The following SLC35F4 variants were observed in gnomAD, a reference collection of about 807,000 sequenced individuals.
The protein encoded by SLC35F4 is solute carrier family 35 member F4.
In SLC35F4, 24 loss-of-function variants were observed where a neutral mutation model predicts 44.2. The ratio of observed to expected loss-of-function variants is 0.54; its 90% confidence interval spans 0.39 to 0.76. SLC35F4 has a LOEUF of 0.76. Among genes scored for constraint, SLC35F4 ranks in the 30% least tolerant of loss-of-function variants. The pLI is 0.00. For missense variants in SLC35F4, 562 were observed against 586.1 expected (o/e 0.96, Z 0.42); for synonymous variants, 238 against 223.6 (o/e 1.06, Z -0.57).
At chr14:57,702,766 C>T (rs1025402750) in intron 1 of SLC35F4, among the ~76,000 whole-genome samples, 6 of 152,250 alleles carry the variant, frequency 3.9e-5, no homozygotes, top group African/African-American at 4.8e-5. Flanking sequence ...ATTTTCTGCA[C>T]GATGTTCCTT....
At chr14:57,803,576 C>T (rs1004929933) in intron 1 of SLC35F4, among the ~76,000 whole-genome samples, 1 of 141,726 alleles carries the variant, frequency 7.1e-6, no homozygotes, top group Non-Finnish European at 1.5e-5. Context: ...AGCCCAAAAG[C>T]TTCTTCTTTT....
intron 1 of SLC35F4, among the ~76,000 whole-genome samples, chr14:57,765,292 C>A (rs1013585859): frequency 7.2e-5 from 11 of 152,184 alleles, no homozygotes; most frequent in Admixed American, 7.2e-4. Context: ...GTGCTGTGAA[C>A]TGTCCTGAAA....
intron 1 of SLC35F4, among the ~76,000 whole-genome samples, chr14:57,652,523 T>C (rs1330392586): frequency 6.6e-6 from 1 of 152,186 alleles, no homozygotes. Flanking sequence ...CTGAGTCATG[T>C]TCAGAGATGC....
At chr14:57,578,613 G>A (rs9671923) in intron 4 of SLC35F4, 6 of 151,556 alleles carry the variant, frequency 4.0e-5, no homozygotes, top group Non-Finnish European at 7.4e-5. Context: ...TAAATTACAC[G>A]TTACCATTCT....
intron 1 of SLC35F4, among the ~76,000 whole-genome samples, chr14:57,818,521 C>G (rs532575887): frequency 6.6e-6 from 1 of 152,262 alleles, no homozygotes; most frequent in East Asian, 1.9e-4. Context: ...TGATGCTACA[C>G]AGTAGGAGCA....
chr14:57,585,276 GA>G (rs1555355019), intron 3 of SLC35F4, among the ~76,000 whole-genome samples: 1 of 152,054 alleles, frequency 6.6e-6, no homozygotes, highest in Non-Finnish European at 1.5e-5. Context: ...AAAGGCCTTC[GA>G]CAAAATTCAA....
At chr14:57,624,096 A>T (rs555720132) in intron 1 of SLC35F4, among the ~76,000 whole-genome samples, 1 of 152,318 alleles carries the variant, frequency 6.6e-6, no homozygotes, top group Non-Finnish European at 1.5e-5. Context: ...AAATAGACAC[A>T]ATAAAAAATG....
chr14:57,888,503 T>C (rs1278334994), intron 1 of SLC35F4, among the ~76,000 whole-genome samples: 1 of 152,228 alleles, frequency 6.6e-6, no homozygotes, highest in Non-Finnish European at 1.5e-5. Context: ...ACATTTGTTT[T>C]ATGAATCAAA....
chr14:57,914,091 T>C (rs1369033199), intron 1 of SLC35F4, among the ~76,000 whole-genome samples: 3 of 152,244 alleles, frequency 2.0e-5, no homozygotes, highest in Non-Finnish European at 4.4e-5. Context: ...GTCTGTTTTA[T>C]GCTGCTATGA....
chr14:57,645,864 G>A (rs2073482533), intron 1 of SLC35F4, among the ~76,000 whole-genome samples: 1 of 151,732 alleles, frequency 6.6e-6, no homozygotes, highest in Non-Finnish European at 1.5e-5. Flanking sequence ...GGCCTTTTCT[G>A]CATCTATTGA....
At chr14:57,959,924 G>A (rs958600654) in intron 1 of SLC35F4, among the ~76,000 whole-genome samples, 7 of 152,078 alleles carry the variant, frequency 4.6e-5, no homozygotes, top group Middle Eastern at 3.4e-3. Flanking sequence ...GAACTGGGCC[G>A]AGACTCCACC....
At chr14:57,824,677 A>C (rs1303683871) in intron 1 of SLC35F4, among the ~76,000 whole-genome samples, 1 of 152,154 alleles carries the variant, frequency 6.6e-6, no homozygotes, top group Non-Finnish European at 1.5e-5. Context: ...TGTTCCAGGC[A>C]GAGGAAACAC....
intron 1 of SLC35F4, among the ~76,000 whole-genome samples, chr14:57,640,772 A>T (rs912843922): frequency 6.6e-6 from 1 of 152,036 alleles, no homozygotes. Context: ...AATAACACTT[A>T]GAAAAGATAA....
chr14:57,976,225 G>A (rs1450608448), downstream of SLC35F4, among the ~76,000 whole-genome samples: 1 of 152,124 alleles, frequency 6.6e-6, no homozygotes, highest in Non-Finnish European at 1.5e-5. Context: ...AGGTACATGT[G>A]TCCATTTGCT....
intron 1 of SLC35F4, among the ~76,000 whole-genome samples, chr14:57,759,064 T>G (rs773598938): frequency 4.6e-4 from 70 of 152,194 alleles, no homozygotes; most frequent in Non-Finnish European, 7.9e-4. Flanking sequence ...ATGTCGGGAC[T>G]TGCTTCTTTT....
chr14:57,741,424 C>T (rs928274732), intron 1 of SLC35F4, among the ~76,000 whole-genome samples: 3 of 152,086 alleles, frequency 2.0e-5, no homozygotes, highest in Non-Finnish European at 2.9e-5. Context: ...AACCATGGCA[C>T]GAGAACTACG....
rs1199894247 is a variant in SLC35F4, at chr14:57,564,249, G to A, written c.1344C>T (p.Ile448=). The change falls in exon 8 of 8, where the codon ATC becomes ATT. Residue 448 remains isoleucine (I), a synonymous_variant. Transcript: ENST00000556826. ...EEWDEITLRF[I]NSLKEKKSEE... The stretch of plus-strand genomic sequence containing the variant: ...CACTCTTCTTTTCCTTCAGGCTGTT[G>A]ATGAACCTCAGGGTGATTTCATCCC... 2 of 1,613,238 alleles carry A rather than the reference G, an allele frequency of 1.2e-6. No homozygotes were observed. Among genetic ancestry groups the A allele is most frequent in the African/African-American group, 2.7e-5 (2 of 74,894 alleles).
At chr14:57,946,900 G>C (rs1019999276) in intron 1 of SLC35F4, among the ~76,000 whole-genome samples, 1 of 152,170 alleles carries the variant, frequency 6.6e-6, no homozygotes, top group Non-Finnish European at 1.5e-5. Flanking sequence ...ATAATGTGAT[G>C]TGTCCAGATT....
chr14:57,827,803 CAAAA>C (rs5808943), intron 1 of SLC35F4, among the ~76,000 whole-genome samples: 4,593 of 128,154 alleles, frequency 0.036, 207 homozygotes, highest in African/African-American at 0.11. Flanking sequence ...CCTTATTTTT[CAAAA>C]AAAAAAAAAA....
Sources: allele counts gnomAD v4.1 joint callset (sites outside exome capture counted in the v4.1 genomes callset), GRCh38; gene constraint gnomAD v4.1.1; transcripts MANE v1.5; gene names NCBI Gene and HGNC (gene_info 2026-07-23, HGNC 2026-07-21).